The following HNRNPLL variants were observed in gnomAD, a reference collection of about 807,000 sequenced individuals.
The protein encoded by HNRNPLL is heterogeneous nuclear ribonucleoprotein L like.
A neutral mutation model predicts 67.1 loss-of-function variants in HNRNPLL; 25 were observed. The observed-to-expected ratio is 0.37, with a 90% CI of 0.27 to 0.52. HNRNPLL has a LOEUF of 0.52. HNRNPLL is among the 20% of genes least tolerant of loss of function. The pLI, the probability that HNRNPLL is intolerant of heterozygous loss-of-function variation, is 0.90. For synonymous variants in HNRNPLL, 267 were observed against 241.7 expected (o/e 1.10, Z -0.97); for missense variants, 542 against 673.9 (o/e 0.80, Z 2.17).
intron 1 of HNRNPLL, 53 bp from the exon 2 acceptor site, chr2:38,591,701 C>G: frequency 8.5e-7 from 1 of 1,177,366 alleles, no homozygotes; most frequent in South Asian, 1.2e-5. Flanking sequence ...TAAGGCCGAA[C>G]GCGGTGGCTC....
At chr2:38,601,396 G>A (rs1864830) in intron 1 of HNRNPLL, among the ~76,000 whole-genome samples, 18,282 of 152,188 alleles carry the variant, frequency 0.12, 1,184 homozygotes, top group Non-Finnish European at 0.13. Flanking sequence ...TAACCTAATA[G>A]TAGGATATAT....
At chr2:38,581,779 C>T (rs1666536882) in intron 6 of HNRNPLL, 134 bp downstream of exon 6, 1 of 669,678 alleles carries the variant, frequency 1.5e-6, no homozygotes, top group Non-Finnish European at 2.7e-6. Flanking sequence ...CATTACATGG[C>T]CTTTTGCAAC....
chr2:38,589,844 T>G lies in HNRNPLL; in HGVS notation c.308+1686A>C, dbSNP rs150914281. On this transcript the variant is annotated intron_variant, in intron 2 of 12. Transcript: ENST00000449105. ...CTGACATCTGCCTAAGAAAATAAAT[T>G]TTAAAGCCCTAAATACACAAGAAGA... 4.6e-4 allele frequency among the ~76,000 whole-genome samples: 70 copies of G among 152,304 alleles called. 3 individuals are homozygous for G. The East Asian group carries it at 0.013, about 29-fold the overall frequency.
chr2:38,579,591 C>G (rs1362548053), intron 6 of HNRNPLL, among the ~76,000 whole-genome samples: 1 of 151,956 alleles, frequency 6.6e-6, no homozygotes, highest in Non-Finnish European at 1.5e-5. Flanking sequence ...TGTGAACATT[C>G]TCCCCAAAAA....
intron 10 of HNRNPLL, 141 bp downstream of exon 10, chr2:38,568,991 TA>T (rs1336450725): frequency 3.2e-6 from 2 of 627,570 alleles, no homozygotes; most frequent in South Asian, 2.0e-5. Flanking sequence ...GGTCAAAGAA[TA>T]AACTATCCAG....
intron 12 of HNRNPLL, 83 bp downstream of exon 12, chr2:38,568,116 T>G: frequency 1.2e-6 from 1 of 809,602 alleles, no homozygotes; most frequent in South Asian, 1.7e-5. Context: ...GCCTATTAAG[T>G]GTTATTTTTA....
At chr2:38,570,430 T>C (rs1666030400) in intron 8 of HNRNPLL, among the ~76,000 whole-genome samples, 1 of 152,178 alleles carries the variant, frequency 6.6e-6, no homozygotes, top group Non-Finnish European at 1.5e-5. Flanking sequence ...ACAAACTATG[T>C]AGAATTCTGT....
intron 1 of HNRNPLL, among the ~76,000 whole-genome samples, chr2:38,599,544 T>C (rs930753194): frequency 6.6e-6 from 1 of 152,182 alleles, no homozygotes; most frequent in African/African-American, 2.4e-5. Context: ...TGCAGCTCAG[T>C]GAATGTGAAA....
intron 2 of HNRNPLL, among the ~76,000 whole-genome samples, chr2:38,587,881 C>T (rs1228521170): frequency 6.6e-6 from 1 of 152,012 alleles, no homozygotes; most frequent in Admixed American, 6.5e-5. Context: ...TAGCACTATC[C>T]CCCTAGCGCT....
intron 1 of HNRNPLL, among the ~76,000 whole-genome samples, chr2:38,598,641 G>C (rs1383329596): frequency 6.6e-6 from 1 of 152,138 alleles, no homozygotes; most frequent in East Asian, 1.9e-4. Flanking sequence ...CTCAATTATT[G>C]TGTTTTAAAT....
At chr2:38,576,364 C>A (rs961122961) in intron 7 of HNRNPLL, among the ~76,000 whole-genome samples, 1 of 151,704 alleles carries the variant, frequency 6.6e-6, no homozygotes, top group Non-Finnish European at 1.5e-5. Flanking sequence ...TCAGAACTAC[C>A]CATACAACCA....
chr2:38,581,903 A>T lies in HNRNPLL; in HGVS notation c.802+10T>A. 6.3e-7 allele frequency: 1 copy of T among 1,584,816 alleles called. No individual in the cohort carries two copies. On this transcript the variant is annotated intron_variant, in intron 6 of 12. Transcript: ENST00000449105. The stretch of plus-strand genomic sequence containing the variant: ...GATCAAGTACATTCTAAAATGTATA[A>T]AATACCTACCTCGTCTTCCCAAATA...
chr2:38,592,817 T>G (rs1445678492), intron 1 of HNRNPLL, among the ~76,000 whole-genome samples: 1 of 152,228 alleles, frequency 6.6e-6, no homozygotes, highest in Non-Finnish European at 1.5e-5. Context: ...CAAAAAGAAA[T>G]TTTTTAAAGT....
intron 1 of HNRNPLL, among the ~76,000 whole-genome samples, chr2:38,593,276 T>C (rs1362093172): frequency 6.6e-6 from 1 of 152,220 alleles, no homozygotes; most frequent in African/African-American, 2.4e-5. Context: ...CTAGATGAAA[T>C]TCAACAAGCA....
intron 6 of HNRNPLL, among the ~76,000 whole-genome samples, chr2:38,579,360 GTAAC>G (rs1169397779): frequency 3.9e-5 from 6 of 151,908 alleles, no homozygotes; most frequent in African/African-American, 1.4e-4. Context: ...GTATACATAT[GTAAC>G]TAACCTGCAC....
At chr2:38,573,092 G>T in intron 8 of HNRNPLL, 118 bp downstream of exon 8, 1 of 682,206 alleles carries the variant, frequency 1.5e-6, no homozygotes, top group Non-Finnish European at 2.5e-6. Flanking sequence ...AGCTTATGTG[G>T]GTCATTACTC....
chr2:38,576,280 A>G (rs901848213), intron 7 of HNRNPLL, among the ~76,000 whole-genome samples: 9 of 151,820 alleles, frequency 5.9e-5, no homozygotes, highest in Admixed American at 5.3e-4. Context: ...TATACTACAA[A>G]CTTGTAATGG....
rs758837741 is a variant in HNRNPLL, at chr2:38,602,877, C to CCCT, written c.-254_-252dup. On this transcript the variant is annotated 5_prime_UTR_variant, in exon 1 of 13. Transcript: ENST00000449105. ...ATTACCGAGCCAACATTCAGCCTCT[C>CCCT]CCTCCTCCTCCTCCGTCTCCGCTCC... 5.2e-5 allele frequency: 81 copies of CCCT among 1,548,378 alleles called. No homozygotes were observed. The highest frequency in any genetic ancestry group is 4.2e-4 in the East Asian group (17 of 40,730).
At chr2:38,589,034 C>T (rs1042418927) in intron 2 of HNRNPLL, among the ~76,000 whole-genome samples, 4 of 152,088 alleles carry the variant, frequency 2.6e-5, no homozygotes, top group Non-Finnish European at 5.9e-5. Context: ...TGTGTCCTCC[C>T]AAATGTTGTA....
Sources: allele counts gnomAD v4.1 joint callset (sites outside exome capture counted in the v4.1 genomes callset), GRCh38; gene constraint gnomAD v4.1.1; transcripts MANE v1.5; gene names NCBI Gene and HGNC (gene_info 2026-07-23, HGNC 2026-07-21).